GABRB3: variants seen among roughly 807,000 people sequenced by gnomAD.
The protein encoded by GABRB3 is gamma-aminobutyric acid receptor subunit beta-3.
Under a neutral mutation model 52.1 loss-of-function variants are expected in GABRB3, and 14 were observed. That is an observed-to-expected ratio of 0.27 (90% CI 0.18 to 0.42). GABRB3 has a LOEUF of 0.42. Among genes scored for constraint, GABRB3 ranks in the 10% least tolerant of loss-of-function variants. The probability of loss-of-function intolerance (pLI) is 1.00; values close to 1 mark genes in which losing one functional copy is unlikely to be tolerated. For missense variants in GABRB3, 307 were observed against 609.1 expected (o/e 0.50, Z 5.22); for synonymous variants, 260 against 232.3 (o/e 1.12, Z -1.08).
At chr15:26,624,820 C>T (rs1343118482) in intron 3 of GABRB3, 6 of 985,338 alleles carry the variant, frequency 6.1e-6, no homozygotes, top group South Asian at 4.7e-5. Context: ...CCTCCACTCT[C>T]GTGCAGCCGG....
chr15:26,577,392 A>G (rs958966631), intron 6 of GABRB3, among the ~76,000 whole-genome samples: 2 of 152,160 alleles, frequency 1.3e-5, no homozygotes, highest in Admixed American at 1.3e-4. Context: ...ATGTGCTTGC[A>G]ATTCCAGCTA....
At chr15:26,771,643 C>G (rs1891146916) in intron 3 of GABRB3, among the ~76,000 whole-genome samples, 1 of 152,326 alleles carries the variant, frequency 6.6e-6, no homozygotes, top group African/African-American at 2.4e-5. Context: ...TGGCAAAAGC[C>G]CGCTTCGCAC....
At chr15:26,606,772 A>ATAGATATATCGATAGATAGATATATC (rs1566770499) in intron 4 of GABRB3, among the ~76,000 whole-genome samples, 1 of 81,682 alleles carries the variant, frequency 1.2e-5, no homozygotes, top group Non-Finnish European at 3.2e-5. Context: ...GTCTATCTAT[A>ATAGATATATCGATAGATAGATATATC]GATAGATAGA....
At chr15:26,637,814 C>A (rs1270045564) in intron 3 of GABRB3, among the ~76,000 whole-genome samples, 2 of 152,112 alleles carry the variant, frequency 1.3e-5, no homozygotes, top group African/African-American at 4.8e-5. Context: ...CCTAGAACAC[C>A]CTTTTACTGT....
At chr15:26,626,510 T>C (rs564271043) in intron 3 of GABRB3, among the ~76,000 whole-genome samples, 2 of 152,220 alleles carry the variant, frequency 1.3e-5, no homozygotes, top group Non-Finnish European at 2.9e-5. Context: ...AGGCCTTTTC[T>C]ACCAGTTAGC....
chr15:26,627,732 T>C (rs1402984333), intron 3 of GABRB3, among the ~76,000 whole-genome samples: 1 of 152,218 alleles, frequency 6.6e-6, no homozygotes, highest in Non-Finnish European at 1.5e-5. Flanking sequence ...AGTGGTTTCT[T>C]GAGATGGAAT....
intron 3 of GABRB3, chr15:26,750,199 A>G (rs1890465866): frequency 6.6e-6 from 1 of 152,214 alleles, no homozygotes. Context: ...GTTGCTATAC[A>G]TTAGCAACTC....
At chr15:26,715,728 G>A (rs1889446122) in intron 3 of GABRB3, among the ~76,000 whole-genome samples, 2 of 152,300 alleles carry the variant, frequency 1.3e-5, no homozygotes, top group South Asian at 2.1e-4. Context: ...ATATACTAAT[G>A]ATAAGTAGAT....
At chr15:26,753,558 C>G (rs1302668267) in intron 3 of GABRB3, among the ~76,000 whole-genome samples, 1 of 152,192 alleles carries the variant, frequency 6.6e-6, no homozygotes, top group African/African-American at 2.4e-5. Flanking sequence ...ACTTTGGTCC[C>G]AGAAACTGTC....
intron 3 of GABRB3, among the ~76,000 whole-genome samples, chr15:26,764,121 G>A (rs1595356826): frequency 7.5e-6 from 1 of 133,702 alleles, no homozygotes; most frequent in East Asian, 2.2e-4. Context: ...TTGCACTCCA[G>A]CCTGGGCAAC....
intron 3 of GABRB3, among the ~76,000 whole-genome samples, chr15:26,656,312 A>T (rs926295112): frequency 1.3e-5 from 2 of 152,190 alleles, no homozygotes; most frequent in African/African-American, 4.8e-5. Context: ...AACTCAGTTC[A>T]TCCTTCCTAA....
At chr15:26,759,891 C>T (rs1236952030) in intron 3 of GABRB3, among the ~76,000 whole-genome samples, 1 of 152,198 alleles carries the variant, frequency 6.6e-6, no homozygotes, top group Admixed American at 6.5e-5. Context: ...AAATGTTATG[C>T]TTTGGATACA....
At chr15:26,749,515 A>G (rs910915662) in intron 3 of GABRB3, among the ~76,000 whole-genome samples, 1 of 152,200 alleles carries the variant, frequency 6.6e-6, no homozygotes, top group African/African-American at 2.4e-5. Flanking sequence ...AAAATGTTCT[A>G]TAAGTGTCAA....
chr15:26,550,669 A>C (rs1045070738), intron 8 of GABRB3, among the ~76,000 whole-genome samples: 1 of 151,976 alleles, frequency 6.6e-6, no homozygotes, highest in African/African-American at 2.4e-5. Context: ...GCTGTATTTG[A>C]CCAAGCACCT....
intron 4 of GABRB3, among the ~76,000 whole-genome samples, chr15:26,610,312 G>A (rs552095056): frequency 5.3e-5 from 8 of 152,242 alleles, no homozygotes; most frequent in South Asian, 4.2e-4. Flanking sequence ...TGAAGCACCC[G>A]GAGAAAGCCT....
At chr15:26,773,152 G>A, upstream of GABRB3, 1 of 304,714 alleles carries the variant, frequency 3.3e-6, no homozygotes, top group East Asian at 1.4e-4. Context: ...GGAGGGAGGA[G>A]CGCGCGCGGG....
At chr15:26,594,719 T>C (rs1369044282) in intron 4 of GABRB3, among the ~76,000 whole-genome samples, 1 of 152,194 alleles carries the variant, frequency 6.6e-6, no homozygotes, top group African/African-American at 2.4e-5. Context: ...TCTTGTTACA[T>C]TGCCCAGGCT....
chr15:26,628,909 G>A, intron 3 of GABRB3: 1 of 1,436,256 alleles, frequency 7.0e-7, no homozygotes, highest in Non-Finnish European at 9.5e-7. Context: ...TGGGAGGTGT[G>A]GGGGAGTCAG....
intron 3 of GABRB3, among the ~76,000 whole-genome samples, chr15:26,633,359 C>G (rs1213382250): frequency 3.3e-5 from 5 of 152,056 alleles, no homozygotes; most frequent in African/African-American, 1.2e-4. Flanking sequence ...CCTTCCAGTG[C>G]TCCAGGGCTC....
Sources: allele counts gnomAD v4.1 joint callset (sites outside exome capture counted in the v4.1 genomes callset), GRCh38; gene constraint gnomAD v4.1.1; transcripts MANE v1.5; gene names NCBI Gene and HGNC (gene_info 2026-07-23, HGNC 2026-07-21).